The following SCHIP1 variants were observed in gnomAD, a reference collection of about 807,000 sequenced individuals.
SCHIP1 encodes the protein schwannomin interacting protein 1.
SCHIP1 carries 8 observed loss-of-function variants against 29.7 expected under a neutral mutation model. That is an observed-to-expected ratio of 0.27 (90% confidence interval 0.16 to 0.49). The LOEUF (loss-of-function observed/expected upper bound fraction) is 0.49. Among genes scored for constraint, SCHIP1 ranks in the 20% least tolerant of loss-of-function variants. The probability of loss-of-function intolerance (pLI) is 0.99; values close to 1 mark genes in which losing one functional copy is unlikely to be tolerated. For missense variants in SCHIP1, 193 were observed against 294.6 expected, an observed-to-expected ratio of 0.66 and a Z score of 2.52; for synonymous variants, 76 against 94.9, an observed-to-expected ratio of 0.80 and a Z score of 1.16.
At chr3:159,753,022 G>A in the SCHIP1 span, among the ~76,000 whole-genome samples, 1 of 152,092 alleles carries the variant, frequency 6.6e-6, no homozygotes, top group East Asian at 1.9e-4. Flanking sequence ...TGTGTCCCTA[G>A]GCTAGATTAT....
chr3:159,765,800 C>G, the SCHIP1 span: 1 of 152,180 alleles, frequency 6.6e-6, no homozygotes, highest in African/African-American at 2.4e-5. Flanking sequence ...TTCCCTCGGT[C>G]GCCTGACTCA....
the SCHIP1 span, among the ~76,000 whole-genome samples, chr3:159,824,119 A>G: frequency 1.3e-5 from 2 of 152,248 alleles, no homozygotes; most frequent in Non-Finnish European, 2.9e-5. Flanking sequence ...ATGAAAAAAC[A>G]TCATCTCTTT....
the SCHIP1 span, among the ~76,000 whole-genome samples, chr3:159,648,224 G>A: frequency 6.6e-6 from 1 of 151,438 alleles, no homozygotes; most frequent in Admixed American, 6.6e-5. Flanking sequence ...ACCCTTGACA[G>A]AAAGTTAGGG....
chr3:159,733,808 C>T, the SCHIP1 span, among the ~76,000 whole-genome samples: 5 of 152,144 alleles, frequency 3.3e-5, no homozygotes, highest in African/African-American at 9.7e-5. Flanking sequence ...TCTTCTCCTC[C>T]GACTTCTGAT....
chr3:159,370,357 T>A, the SCHIP1 span, among the ~76,000 whole-genome samples: 2 of 152,204 alleles, frequency 1.3e-5, no homozygotes, highest in Admixed American at 1.3e-4. Context: ...CTTAATTCCT[T>A]ACTTAAATGT....
At chr3:159,766,082 A>C in the SCHIP1 span, among the ~76,000 whole-genome samples, 3 of 152,236 alleles carry the variant, frequency 2.0e-5, no homozygotes, top group African/African-American at 7.2e-5. Context: ...CTGCTTTGAG[A>C]TAAAGCAACA....
At chr3:159,721,114 C>T in the SCHIP1 span, among the ~76,000 whole-genome samples, 10 of 152,138 alleles carry the variant, frequency 6.6e-5, no homozygotes, top group Non-Finnish European at 2.9e-5. Context: ...AATGAAGGAT[C>T]GATTTCTGAA....
chr3:159,471,191 T>C, the SCHIP1 span, among the ~76,000 whole-genome samples: 52 of 152,274 alleles, frequency 3.4e-4, 1 homozygote, highest in South Asian at 2.7e-3. Flanking sequence ...AAGGAGTTGT[T>C]TGCCTTTAGT....
At chr3:159,282,419 C>G in the SCHIP1 span, among the ~76,000 whole-genome samples, 1 of 151,502 alleles carries the variant, frequency 6.6e-6, no homozygotes. Context: ...TAAGCTTTTG[C>G]ATTCGTATAT....
At chr3:159,346,118 T>A in the SCHIP1 span, among the ~76,000 whole-genome samples, 1 of 149,018 alleles carries the variant, frequency 6.7e-6, no homozygotes, top group African/African-American at 2.5e-5. Context: ...TGCGTGAACC[T>A]GGGAGAGGAG....
the SCHIP1 span, among the ~76,000 whole-genome samples, chr3:159,551,338 A>G: frequency 1.3e-5 from 2 of 152,192 alleles, no homozygotes; most frequent in Non-Finnish European, 2.9e-5. Context: ...AATAATATGC[A>G]CCACACCAAA....
chr3:159,883,589 A>G (rs1249147289), intron 2 of SCHIP1, among the ~76,000 whole-genome samples: 1 of 152,092 alleles, frequency 6.6e-6, no homozygotes, highest in African/African-American at 2.4e-5. Flanking sequence ...AAAGGCTAAA[A>G]GCAAACAAAT....
intron 2 of SCHIP1, among the ~76,000 whole-genome samples, chr3:159,873,275 C>T (rs930629366): frequency 6.6e-6 from 1 of 152,174 alleles, no homozygotes; most frequent in Non-Finnish European, 1.5e-5. Context: ...AAGGCAGGGC[C>T]TACTGAGGTG....
the SCHIP1 span, among the ~76,000 whole-genome samples, chr3:159,515,503 T>C: frequency 1.3e-5 from 2 of 152,256 alleles, no homozygotes; most frequent in Admixed American, 6.5e-5. Flanking sequence ...TCTTGATTTC[T>C]TCATTTGTAA....
At chr3:159,395,675 G>A in the SCHIP1 span, among the ~76,000 whole-genome samples, 1 of 152,122 alleles carries the variant, frequency 6.6e-6, no homozygotes, top group Non-Finnish European at 1.5e-5. Context: ...TTGCACTGTG[G>A]TCTGAGAGAT....
chr3:159,392,411 C>T, the SCHIP1 span, among the ~76,000 whole-genome samples: 1 of 152,008 alleles, frequency 6.6e-6, no homozygotes, highest in Non-Finnish European at 1.5e-5. Flanking sequence ...GCTGCACCCA[C>T]TAACTCGTCA....
the SCHIP1 span, among the ~76,000 whole-genome samples, chr3:159,811,970 TTTTG>T: frequency 1.1e-5 from 1 of 92,800 alleles, no homozygotes. Flanking sequence ...TTTTTTTTGT[TTTTG>T]TTTTTGTTTT....
At chr3:159,498,899 G>A in the SCHIP1 span, among the ~76,000 whole-genome samples, 1 of 152,192 alleles carries the variant, frequency 6.6e-6, no homozygotes, top group East Asian at 1.9e-4. Flanking sequence ...ACCAAATATT[G>A]TTAACCAATA....
the SCHIP1 span, among the ~76,000 whole-genome samples, chr3:159,543,211 AT>A: frequency 2.0e-5 from 3 of 149,936 alleles, no homozygotes; most frequent in African/African-American, 7.4e-5. Flanking sequence ...TTGTTTTTTT[AT>A]TTTATTATTA....
Sources: allele counts gnomAD v4.1 joint callset (sites outside exome capture counted in the v4.1 genomes callset), GRCh38; gene constraint gnomAD v4.1.1; transcripts MANE v1.5; gene names NCBI Gene and HGNC (gene_info 2026-07-23, HGNC 2026-07-21).